Variants in GPHN observed in about 807,000 individuals in gnomAD.
GPHN encodes gephyrin.
A neutral mutation model predicts 95.5 loss-of-function variants in GPHN; 17 were observed. The ratio of observed to expected loss-of-function variants is 0.18; its 90% CI spans 0.12 to 0.27. GPHN has a LOEUF of 0.27. Ranked by LOEUF, GPHN falls within the 10% of genes least tolerant of loss-of-function variation. The probability of loss-of-function intolerance (pLI) is 1.00; values close to 1 mark genes in which losing one functional copy is unlikely to be tolerated. For missense variants in GPHN, 660 were observed against 978.1 expected, an observed-to-expected ratio of 0.67 and a Z score of 4.34; for synonymous variants, 320 against 322.5, an observed-to-expected ratio of 0.99 and a Z score of 0.08.
the GPHN span, among the ~76,000 whole-genome samples, chr14:67,300,506 T>C: frequency 6.6e-6 from 1 of 152,152 alleles, no homozygotes; most frequent in African/African-American, 2.4e-5. Flanking sequence ...TTTTGTATTT[T>C]TAGTAGAGAC....
At chr14:66,869,937 CCTTCA>C (rs781748377) in intron 4 of GPHN, among the ~76,000 whole-genome samples, 4 of 152,110 alleles carry the variant, frequency 2.6e-5, no homozygotes, top group Non-Finnish European at 4.4e-5. Context: ...TTTATTTATT[CCTTCA>C]CTTCTTTATT....
In GPHN at chr14:66,657,153, T is replaced by C. The variant is rs566188645; in HGVS notation, c.65-23954T>C. Among the ~76,000 whole-genome samples, 64 of 152,356 alleles carry C rather than the reference T, an allele frequency of 4.2e-4. No homozygotes were observed. The South Asian group carries it at 0.013, about 31-fold the overall frequency. ...GCTAATAAAGAGATAATTTTAGCAG[T>C]CTGGCTAGATTGGACTAGCCACAAA... On this transcript the variant is annotated intron_variant, in intron 1 of 22. Coordinates refer to ENST00000478722, the MANE Select transcript of GPHN (RefSeq NM_020806.5).
intron 3 of GPHN, among the ~76,000 whole-genome samples, chr14:66,780,608 T>C (rs1439377746): frequency 6.6e-6 from 1 of 152,046 alleles, no homozygotes; most frequent in East Asian, 1.9e-4. Context: ...AAAGCAGGAT[T>C]CATGGATGAT....
the GPHN span, chr14:67,383,814 AT>A: frequency 3.8e-6 from 1 of 263,868 alleles, no homozygotes; most frequent in East Asian, 9.8e-5. Flanking sequence ...ATCTTTCTAT[AT>A]AAAATGTATT....
At chr14:67,325,847 C>T in the GPHN span, among the ~76,000 whole-genome samples, 9 of 150,398 alleles carry the variant, frequency 6.0e-5, no homozygotes, top group Non-Finnish European at 1.2e-4. Flanking sequence ...CTTACTCTGT[C>T]GCCCAGGCTG....
At chr14:67,685,238 A>T in the GPHN span, 1 of 1,573,424 alleles carries the variant, frequency 6.4e-7, no homozygotes, top group Non-Finnish European at 8.6e-7. Flanking sequence ...AGGGTAAGAC[A>T]GGACTTGATT....
chr14:66,916,400 T>G lies in GPHN; in HGVS notation c.456+331T>G, dbSNP rs1567097366. Among the ~76,000 whole-genome samples the G allele has an allele frequency of 2.6e-5, 4 of 151,724 alleles. No homozygotes were observed. In the South Asian group the frequency reaches 8.3e-4, roughly 32 times the overall value. On this transcript the variant is annotated intron_variant, in intron 6 of 22. Coordinates refer to ENST00000478722, the MANE Select transcript of GPHN (RefSeq NM_020806.5). ...CCTTGTAGAGTCATCAATGCTTTAC[T>G]CTCCTGGCATTCGTGTATGATAATA...
the GPHN span, chr14:67,690,615 T>TTA: frequency 1.7e-6 from 1 of 580,696 alleles, no homozygotes; most frequent in East Asian, 2.9e-5. Context: ...TGAGGCATCC[T>TTA]TATATGAGCG....
chr14:67,174,818 CTCTAATGACCAGTCA>C (rs1206087791), intron 21 of GPHN, among the ~76,000 whole-genome samples: 1 of 152,208 alleles, frequency 6.6e-6, no homozygotes, highest in East Asian at 1.9e-4. Context: ...ATTTGCACTT[CTCTAATGACCAGTCA>C]TGGTGAGCAT....
At chr14:67,581,692 A>G in the GPHN span, 846 of 198,476 alleles carry the variant, frequency 4.3e-3, 17 homozygotes, top group African/African-American at 0.019. Flanking sequence ...CTTTCTATCA[A>G]TTTGAGTAAG....
At chr14:66,985,887 A>G (rs1271185192) in intron 9 of GPHN, 2 of 551,760 alleles carry the variant, frequency 3.6e-6, no homozygotes, top group South Asian at 2.6e-5. Context: ...GTTGGGTCAT[A>G]TTACTTTTTT....
At chr14:66,664,268 A>C (rs986269860) in intron 1 of GPHN, among the ~76,000 whole-genome samples, 2 of 152,206 alleles carry the variant, frequency 1.3e-5, no homozygotes, top group African/African-American at 4.8e-5. Context: ...AAAGAACTGA[A>C]ATCATAACCA....
the GPHN span, chr14:67,198,397 G>A: frequency 7.2e-7 from 1 of 1,390,004 alleles, no homozygotes; most frequent in Non-Finnish European, 1.0e-6. Context: ...AAGGATGGTA[G>A]GAGAATTGTT....
chr14:66,884,808 A>ATG (rs1358860815), intron 5 of GPHN, among the ~76,000 whole-genome samples: 81 of 139,078 alleles, frequency 5.8e-4, no homozygotes, highest in Non-Finnish European at 4.8e-4. Flanking sequence ...GTGTGTGTGT[A>ATG]TGTGTGTGTG....
At chr14:67,561,267 G>C in the GPHN span, among the ~76,000 whole-genome samples, 1 of 152,198 alleles carries the variant, frequency 6.6e-6, no homozygotes, top group Non-Finnish European at 1.5e-5. Context: ...GAAAATGCAG[G>C]CTGGGGGCAG....
the GPHN span, among the ~76,000 whole-genome samples, chr14:67,504,677 G>A: frequency 6.6e-6 from 1 of 152,270 alleles, no homozygotes; most frequent in South Asian, 2.1e-4. Flanking sequence ...ACGAGGTCAG[G>A]AGTTCAAGAC....
At chr14:67,563,135 T>G in the GPHN span, among the ~76,000 whole-genome samples, 1 of 152,204 alleles carries the variant, frequency 6.6e-6, no homozygotes, top group Non-Finnish European at 1.5e-5. Context: ...CACCATACAT[T>G]GAGCTGGGTG....
At chr14:67,040,726 T>A (rs1390262924) in intron 10 of GPHN, among the ~76,000 whole-genome samples, 2 of 152,150 alleles carry the variant, frequency 1.3e-5, no homozygotes, top group Non-Finnish European at 2.9e-5. Flanking sequence ...AAATTTATAT[T>A]TTTCTCAGGT....
the GPHN span, chr14:67,674,465 C>T: frequency 1.9e-6 from 3 of 1,608,046 alleles, no homozygotes; most frequent in South Asian, 3.3e-5. Context: ...TCGAAATGCT[C>T]CGAGGAGGCG....
Sources: gnomAD v4.1 joint callset for allele counts (sites outside exome capture counted in the v4.1 genomes callset) on GRCh38, gnomAD v4.1.1 for gene constraint, MANE v1.5 for transcripts, NCBI Gene and HGNC (gene_info 2026-07-23, HGNC 2026-07-21) for gene names.